S100Z: variants seen among roughly 807,000 people sequenced by gnomAD.
S100Z encodes the protein S100 calcium binding protein Z.
A neutral mutation model predicts 8.5 loss-of-function variants in S100Z; 11 were observed. That is an observed-to-expected ratio of 1.30 (90% CI 0.82 to 2.15). The LOEUF (loss-of-function observed/expected upper bound fraction) is 2.15, where lower values mean the gene tolerates loss of function less well. Among genes scored for constraint, S100Z ranks in the 30% most tolerant of loss-of-function variants. The pLI is 0.00. For synonymous variants in S100Z, 34 were observed against 43.8 expected, an observed-to-expected ratio of 0.78 and a Z score of 0.89; for missense variants, 126 against 117.9, an observed-to-expected ratio of 1.07 and a Z score of -0.32.
chr5:76,852,855 G>GA (rs1483731293), intron 1 of S100Z, among the ~76,000 whole-genome samples: 1 of 152,144 alleles, frequency 6.6e-6, no homozygotes, highest in Admixed American at 6.5e-5. Flanking sequence ...AGCAGCCAAA[G>GA]AAAAAGAGGA....
chr5:76,944,893 C>A, the S100Z span, among the ~76,000 whole-genome samples: 9 of 152,124 alleles, frequency 5.9e-5, no homozygotes, highest in Non-Finnish European at 1.2e-4. Context: ...TGTTAAATGG[C>A]ATTTCATTAT....
At chr5:76,879,678 G>A (rs1270636930) in intron 4 of S100Z, among the ~76,000 whole-genome samples, 1 of 152,172 alleles carries the variant, frequency 6.6e-6, no homozygotes, top group Non-Finnish European at 1.5e-5. Flanking sequence ...TGAGAATGTG[G>A]ATAGAGAAGA....
chr5:76,935,742 T>G, the S100Z span, among the ~76,000 whole-genome samples: 2 of 152,114 alleles, frequency 1.3e-5, no homozygotes, highest in African/African-American at 4.8e-5. Flanking sequence ...AGCCTTTAGC[T>G]TTAAGTCTAA....
chr5:76,879,234 A>G (rs1173931296), intron 4 of S100Z, among the ~76,000 whole-genome samples: 2 of 152,234 alleles, frequency 1.3e-5, no homozygotes, highest in African/African-American at 4.8e-5. Context: ...TGGAACTGCT[A>G]TCTTGCAACT....
intron 4 of S100Z, among the ~76,000 whole-genome samples, chr5:76,918,778 C>T (rs1744938811): frequency 6.6e-6 from 1 of 152,344 alleles, no homozygotes; most frequent in Admixed American, 6.5e-5. Context: ...CATAGTGACA[C>T]GTATCCACTG....
intron 4 of S100Z, among the ~76,000 whole-genome samples, chr5:76,895,772 T>TA (rs1162520850): frequency 2.2e-5 from 3 of 137,696 alleles, no homozygotes; most frequent in African/African-American, 8.7e-5. Context: ...TTCCTTTTTT[T>TA]TTTTTTTTTT....
downstream of S100Z, among the ~76,000 whole-genome samples, chr5:76,926,631 GA>G: frequency 6.6e-6 from 1 of 152,288 alleles, no homozygotes; most frequent in South Asian, 2.1e-4. Flanking sequence ...AGACCTGAGA[GA>G]AAGGCTAAAT....
At chr5:76,936,192 G>T in the S100Z span, among the ~76,000 whole-genome samples, 1 of 151,988 alleles carries the variant, frequency 6.6e-6, no homozygotes, top group African/African-American at 2.4e-5. Flanking sequence ...TATCGTATGC[G>T]AGTAAAATGC....
intron 4 of S100Z, among the ~76,000 whole-genome samples, chr5:76,920,092 T>G (rs557168075): frequency 6.6e-6 from 1 of 152,078 alleles, no homozygotes; most frequent in African/African-American, 2.4e-5. Flanking sequence ...GTATTTTTAG[T>G]AGAGATGGGG....
At chr5:76,871,397 C>T (rs1050734769) in intron 2 of S100Z, among the ~76,000 whole-genome samples, 1 of 152,080 alleles carries the variant, frequency 6.6e-6, no homozygotes, top group Non-Finnish European at 1.5e-5. Context: ...GAGGTTTCAT[C>T]TACATAAGAA....
At chr5:76,940,847 T>C in the S100Z span, among the ~76,000 whole-genome samples, 1 of 152,232 alleles carries the variant, frequency 6.6e-6, no homozygotes, top group East Asian at 1.9e-4. Flanking sequence ...TGGTCGTGTC[T>C]CCTTAGGTTC....
chr5:76,875,652 G>A, intron 3 of S100Z, 152 bp downstream of exon 3: 1 of 688,854 alleles, frequency 1.5e-6, no homozygotes, highest in Non-Finnish European at 2.3e-6. Flanking sequence ...GCAAACACTG[G>A]AGACGTTTGT....
At chr5:76,929,476 T>C in the S100Z span, among the ~76,000 whole-genome samples, 405 of 152,342 alleles carry the variant, frequency 2.7e-3, 6 homozygotes, top group African/African-American at 9.0e-3. Context: ...ATTAAAAGCA[T>C]TGTTTCCAAA....
At chr5:76,859,321 A>G (rs1316562790) in intron 1 of S100Z, among the ~76,000 whole-genome samples, 1 of 152,170 alleles carries the variant, frequency 6.6e-6, no homozygotes, top group South Asian at 2.1e-4. Flanking sequence ...TCACCACCAC[A>G]CAACTATGTC....
chr5:76,863,345 C>A (rs1465888090), intron 1 of S100Z, among the ~76,000 whole-genome samples: 1 of 152,080 alleles, frequency 6.6e-6, no homozygotes, highest in Non-Finnish European at 1.5e-5. Context: ...ACTTTAGAAT[C>A]AAAAAATTGT....
At chr5:76,887,051 G>A (rs1284205087) in intron 4 of S100Z, among the ~76,000 whole-genome samples, 2 of 151,992 alleles carry the variant, frequency 1.3e-5, no homozygotes, top group African/African-American at 2.4e-5. Context: ...AACACTGACA[G>A]GAGTTGGGTT....
chr5:76,880,723 T>C (rs1045579841), intron 4 of S100Z, among the ~76,000 whole-genome samples: 5 of 152,208 alleles, frequency 3.3e-5, no homozygotes, highest in Non-Finnish European at 4.4e-5. Context: ...GAGTTCAGCA[T>C]AATTATTTGC....
intron 4 of S100Z, among the ~76,000 whole-genome samples, chr5:76,904,082 C>T (rs1744334623): frequency 6.6e-6 from 1 of 152,012 alleles, no homozygotes; most frequent in East Asian, 1.9e-4. Context: ...CATCTTTGAG[C>T]CATTTTTTAA....
At chr5:76,931,896 A>C in the S100Z span, among the ~76,000 whole-genome samples, 2 of 152,194 alleles carry the variant, frequency 1.3e-5, no homozygotes, top group Non-Finnish European at 2.9e-5. Context: ...TAGGAGAGAC[A>C]GAGGAACATA....
Sources: gnomAD v4.1 joint callset for allele counts (sites outside exome capture counted in the v4.1 genomes callset) on GRCh38, gnomAD v4.1.1 for gene constraint, MANE v1.5 for transcripts, NCBI Gene and HGNC (gene_info 2026-07-23, HGNC 2026-07-21) for gene names.